Variants in TBC1D1 observed in about 807,000 individuals in gnomAD.
TBC1D1 encodes TBC1 (tre-2/USP6, BUB2, cdc16) domain family, member 1.
In TBC1D1, 89 loss-of-function variants were observed where a neutral mutation model predicts 125.6. The observed-to-expected ratio is 0.71, with a 90% CI of 0.60 to 0.85. The LOEUF (loss-of-function observed/expected upper bound fraction) is 0.85, where lower values mean the gene tolerates loss of function less well. Ranked by LOEUF, TBC1D1 falls within the 40% of genes least tolerant of loss-of-function variation. The pLI is 0.00. For synonymous variants in TBC1D1, 565 were observed against 564.1 expected (o/e 1.00, Z -0.02); for missense variants, 1,377 against 1,469.2 (o/e 0.94, Z 1.03).
intron 12 of TBC1D1, chr4:38,060,554 T>C (rs1752569252): frequency 2.9e-6 from 3 of 1,040,288 alleles, no homozygotes; most frequent in Admixed American, 2.4e-5. Context: ...GAGAGAGACA[T>C]ATTTGCTCCT....
At chr4:38,107,665 T>C (rs1761573713) in intron 15 of TBC1D1, among the ~76,000 whole-genome samples, 1 of 140,304 alleles carries the variant, frequency 7.1e-6, no homozygotes, top group South Asian at 2.3e-4. Flanking sequence ...TGTTCTACAG[T>C]TTGTGAATAT....
intron 2 of TBC1D1, among the ~76,000 whole-genome samples, chr4:37,948,212 G>A (rs1465498269): frequency 6.6e-6 from 1 of 152,154 alleles, no homozygotes; most frequent in Non-Finnish European, 1.5e-5. Context: ...GCAGCAAGGC[G>A]GACTGGAGGG....
Position 38,049,881 on chromosome 4 carries a change from G to A in TBC1D1, c.1893G>A (p.Glu631=). The A allele has an allele frequency of 6.2e-7, 1 of 1,609,080 alleles. No individual in the cohort carries two copies. ...TGAGGTATCACTCAGTGAGCACAGAGACGCCTCATGAACGAAAGTAAGATT... is the reference window on the plus strand; with the variant it reads ...TGAGGTATCACTCAGTGAGCACAGAAACGCCTCATGAACGAAAGTAAGATT... Residue 631 remains glutamate (E), a synonymous_variant, in exon 11 of 20, where the codon GAG becomes GAA. Coordinates refer to ENST00000261439, the MANE Select transcript of TBC1D1 (RefSeq NM_015173.4).
At chr4:38,128,959 G>A (rs1765116187) in intron 18 of TBC1D1, among the ~76,000 whole-genome samples, 3 of 152,196 alleles carry the variant, frequency 2.0e-5, no homozygotes, top group Admixed American at 1.3e-4. Flanking sequence ...GGGTGGCTGT[G>A]GGAGGCAGGG....
intron 14 of TBC1D1, among the ~76,000 whole-genome samples, chr4:38,101,888 CTT>C (rs1362294818): frequency 6.6e-6 from 1 of 152,192 alleles, no homozygotes; most frequent in Admixed American, 6.5e-5. Context: ...TTCCCTCTCT[CTT>C]GTACTTTTCT....
In TBC1D1 at chr4:38,014,492, C is replaced by G; in HGVS notation, c.418-17C>G. Reference sequence around the variant, plus strand: ...CACACTGCATGTTCCAAATAACACGCCTCTCTCTCTCCTCAGGTGCCTGAG... The same window carrying G: ...CACACTGCATGTTCCAAATAACACGGCTCTCTCTCTCCTCAGGTGCCTGAG... On this transcript the variant is annotated splice_polypyrimidine_tract_variant and intron_variant, in intron 2 of 19. Coordinates refer to ENST00000261439, the MANE Select transcript of TBC1D1 (RefSeq NM_015173.4). The surrounding 1 kb of genome is among the most constrained non-coding windows in gnomAD (Gnocchi z 5.1). 1 of 1,605,016 alleles carries G rather than the reference C, an allele frequency of 6.2e-7. No homozygotes were observed. Among genetic ancestry groups the G allele is most frequent in the Non-Finnish European group, 8.5e-7 (1 of 1,173,176 alleles).
chr4:38,097,771 C>T (rs750893437), intron 14 of TBC1D1, among the ~76,000 whole-genome samples: 1 of 152,204 alleles, frequency 6.6e-6, no homozygotes, highest in Non-Finnish European at 1.5e-5. Context: ...AGCCACTGCA[C>T]CCGGCCTGCA....
Position 38,090,041 on chromosome 4 carries a change from C to T in TBC1D1, c.2160C>T (p.Leu720=). The T allele has an allele frequency of 6.2e-7, 1 of 1,614,088 alleles. No homozygotes were observed. The highest frequency in any genetic ancestry group is 8.5e-7 in the Non-Finnish European group (1 of 1,179,986). ...AAAAGAAAAGGACATCTCGTGAGCT[C>T]CGAGAGCTGTGGCAAAAGGCTATTC... Residue 720 remains leucine, a synonymous_variant, in exon 13 of 20, where the codon CTC becomes CTT. Coordinates refer to ENST00000261439, the MANE Select transcript of TBC1D1 (RefSeq NM_015173.4).
At chr4:37,918,988 A>G (rs1720325626) in intron 2 of TBC1D1, among the ~76,000 whole-genome samples, 1 of 151,956 alleles carries the variant, frequency 6.6e-6, no homozygotes, top group African/African-American at 2.4e-5. Flanking sequence ...GTTTTAGATG[A>G]TGTTCTACTC....
chr4:38,024,162 G>A (rs1322950316), intron 6 of TBC1D1, among the ~76,000 whole-genome samples: 1 of 152,194 alleles, frequency 6.6e-6, no homozygotes, highest in Non-Finnish European at 1.5e-5. Context: ...ATTCAACTGT[G>A]TTTTCCACGT....
intron 2 of TBC1D1, among the ~76,000 whole-genome samples, chr4:37,911,131 CTTTTTTTTT>C (rs71658745): frequency 4.2e-5 from 4 of 94,888 alleles, no homozygotes; most frequent in Non-Finnish European, 6.1e-5. Context: ...TCCCCTCCTC[CTTTTTTTTT>C]TTTTTTTTTT....
intron 17 of TBC1D1, among the ~76,000 whole-genome samples, chr4:38,119,300 C>A (rs1166124466): frequency 6.7e-6 from 1 of 149,842 alleles, no homozygotes; most frequent in Non-Finnish European, 1.5e-5. Flanking sequence ...TACCCTTCTT[C>A]TCTCTTTTCC....
chr4:38,080,153 C>T (rs1304465339), intron 12 of TBC1D1, among the ~76,000 whole-genome samples: 1 of 152,246 alleles, frequency 6.6e-6, no homozygotes, highest in Non-Finnish European at 1.5e-5. Flanking sequence ...GTTCTGTCAG[C>T]TGTGACCCCT....
At chr4:38,132,987 G>A (rs777922074) in intron 18 of TBC1D1, 97 bp from the exon 21 acceptor site, 231 of 1,026,848 alleles carry the variant, frequency 2.2e-4, no homozygotes, top group African/African-American at 4.4e-4. Context: ...TAGAGGAGAC[G>A]CTTCACAGGT....
At chr4:38,103,291 T>G in intron 15 of TBC1D1, 134 bp downstream of exon 17, 1 of 876,330 alleles carries the variant, frequency 1.1e-6, no homozygotes, top group Non-Finnish European at 1.7e-6. Context: ...ACTTTTAATT[T>G]AAAAAGCCCT....
At chr4:37,917,331 T>C (rs896277312) in intron 2 of TBC1D1, among the ~76,000 whole-genome samples, 5 of 151,592 alleles carry the variant, frequency 3.3e-5, no homozygotes, top group Non-Finnish European at 7.4e-5. Flanking sequence ...AAAAATTAGC[T>C]GGGCGTGGTG....
chr4:37,950,232 A>G (rs531498749), intron 2 of TBC1D1, among the ~76,000 whole-genome samples: 1 of 152,264 alleles, frequency 6.6e-6, no homozygotes, highest in South Asian at 2.1e-4. Context: ...TGGGCAAATA[A>G]CTTCACCTCT....
At position 38,138,360 on chromosome 4, in the gene TBC1D1, A is replaced by G. The variant is rs560158628; in HGVS notation, c.*1025A>G. On this transcript the variant is annotated 3_prime_UTR_variant, in exon 20 of 20. Transcript: ENST00000261439. The stretch of plus-strand genomic sequence containing the variant: ...TTTGCCTGTTGTGTGATGTAATGCA[A>G]TCATGTTCCTTTGAGTCTCCATCCC... The G allele has an allele frequency of 3.9e-5, 6 of 152,350 alleles. No homozygotes were observed. The highest frequency in any genetic ancestry group is 8.8e-5 in the Non-Finnish European group (6 of 68,038). The allele number at this position is 152,350 out of a possible 1,614,324, so 9.4% of individuals were successfully genotyped here.
intron 2 of TBC1D1, among the ~76,000 whole-genome samples, chr4:37,917,980 T>C (rs1165119529): frequency 6.6e-6 from 1 of 152,232 alleles, no homozygotes; most frequent in African/African-American, 2.4e-5. Context: ...GGAGCTGGCA[T>C]GACTTAGAGC....
Sources: allele counts gnomAD v4.1 joint callset (sites outside exome capture counted in the v4.1 genomes callset), GRCh38; gene constraint gnomAD v4.1.1; non-coding constraint Gnocchi (gnomAD v3.1); transcripts MANE v1.5; gene names NCBI Gene and HGNC (gene_info 2026-07-23, HGNC 2026-07-21).